EDAR: variants seen among roughly 807,000 people sequenced by gnomAD.
EDAR encodes the protein ectodysplasin A receptor.
Under a neutral mutation model 51.3 loss-of-function variants are expected in EDAR, and 38 were observed. The ratio of observed to expected loss-of-function variants is 0.74; its 90% CI spans 0.57 to 0.97. The LOEUF is 0.97. EDAR is among the 50% of genes least tolerant of loss of function. The pLI is 0.00. For missense variants in EDAR, 528 were observed against 595.0 expected, an observed-to-expected ratio of 0.89 and a Z score of 1.17; for synonymous variants, 227 against 242.1, an observed-to-expected ratio of 0.94 and a Z score of 0.58.
intron 5 of EDAR, among the ~76,000 whole-genome samples, chr2:108,913,617 T>C (rs1169400088): frequency 6.6e-6 from 1 of 152,078 alleles, no homozygotes; most frequent in African/African-American, 2.4e-5. Context: ...TCTTGATTTA[T>C]ACATATAAAT....
intron 1 of EDAR, among the ~76,000 whole-genome samples, chr2:108,962,829 G>A (rs1281402074): frequency 1.3e-5 from 2 of 152,098 alleles, no homozygotes; most frequent in South Asian, 4.2e-4. Flanking sequence ...TGAGCAGAGT[G>A]ATGCTGAATT....
intron 1 of EDAR, among the ~76,000 whole-genome samples, chr2:108,951,391 G>A (rs938742926): frequency 1.3e-5 from 2 of 152,188 alleles, no homozygotes; most frequent in African/African-American, 4.8e-5. Context: ...TGTGTCCAAG[G>A]TCATACAGGA....
In EDAR at chr2:108,896,727, T is replaced by G. The variant is rs1696600672; in HGVS notation, c.*180A>C. ...CTGAAAGTATCCCGGCTCTAGTCCT[T>G]TATCTTTGGTTAAATTGGAAGACAG... On this transcript the variant is annotated 3_prime_UTR_variant, in exon 12 of 12. Transcript: ENST00000258443. The G allele has an allele frequency of 1.1e-5, 7 of 634,582 alleles. No individual in the cohort carries two copies. Among genetic ancestry groups the G allele is most frequent in the Admixed American group, 5.8e-5 (2 of 34,596 alleles). 39.3% of individuals were successfully genotyped at this position (634,582 alleles called of 1,614,324 possible). A position where few individuals can be genotyped will look rare whatever the true frequency, so the allele number is the denominator to read the frequency against.
At chr2:108,946,923 A>C (rs1296319788) in intron 1 of EDAR, among the ~76,000 whole-genome samples, 9 of 151,848 alleles carry the variant, frequency 5.9e-5, no homozygotes, top group Non-Finnish European at 1.2e-4. Flanking sequence ...AAAACCAATC[A>C]TGCCTTCCCA....
Position 108,929,218 on chromosome 2 carries a change from C to A in EDAR, c.336G>T (p.Glu112Asp). Residue 112 changes from glutamate (E) to aspartate (D), a missense_variant, in exon 4 of 12, where the codon GAG (glutamate) becomes GAT (aspartate). Coordinates refer to ENST00000258443, the MANE Select transcript of EDAR (RefSeq NM_022336.4). ...LTPGDMENDA[E>D]CGPCLPGYYM... The stretch of plus-strand genomic sequence containing the variant: ...CTTACCCAGGGAGGCAAGGGCCACA[C>A]TCAGCGTCATTCTCCATGTCCCCTG... 2 of 1,614,124 alleles carry A rather than the reference C, an allele frequency of 1.2e-6. No individual in the cohort carries two copies. Among genetic ancestry groups the A allele is most frequent in the Non-Finnish European group, 1.7e-6 (2 of 1,180,050 alleles).
At chr2:108,922,343 C>T (rs952926412) in intron 5 of EDAR, among the ~76,000 whole-genome samples, 4 of 152,236 alleles carry the variant, frequency 2.6e-5, no homozygotes, top group Admixed American at 1.3e-4. Context: ...GGCTGGCAGC[C>T]GAGCTGCGGC....
chr2:108,924,577 G>GC (rs562320577), intron 4 of EDAR, among the ~76,000 whole-genome samples: 136 of 152,300 alleles, frequency 8.9e-4, no homozygotes, highest in Middle Eastern at 3.4e-3. Flanking sequence ...CCCCATGGAG[G>GC]CCCCTGCTGA....
intron 5 of EDAR, among the ~76,000 whole-genome samples, chr2:108,919,420 G>A (rs753838710): frequency 2.0e-5 from 3 of 152,112 alleles, no homozygotes; most frequent in Admixed American, 6.6e-5. Flanking sequence ...GTGCAATGGC[G>A]CAATCTCAGT....
chr2:108,967,085 C>A (rs1192710896), intron 1 of EDAR, among the ~76,000 whole-genome samples: 1 of 152,192 alleles, frequency 6.6e-6, no homozygotes, highest in Admixed American at 6.5e-5. Context: ...CAGGCACCCG[C>A]TACCATGCCA....
chr2:108,985,298 GGTT>G (rs894495660), intron 1 of EDAR, among the ~76,000 whole-genome samples: 8 of 152,196 alleles, frequency 5.3e-5, no homozygotes, highest in Non-Finnish European at 1.2e-4. Flanking sequence ...ACGTGACTGT[GGTT>G]GTTATTGCCC....
chr2:108,923,327 C>A (rs370198195), intron 5 of EDAR, 41 bp downstream of exon 5: 8 of 1,590,354 alleles, frequency 5.0e-6, no homozygotes, highest in South Asian at 2.2e-5. Flanking sequence ...GGGATCCGTG[C>A]TGAACAAATA....
In EDAR at chr2:108,935,424, T is replaced by G. The variant is rs930274334; in HGVS notation, c.-18-4392A>C. ...CAGACCTGCTGTCTGGGATCTGCTT[T>G]TCAACCAGATCTGCAGGTGGTCTGT... is the stretch of plus-strand genomic sequence containing the variant. On this transcript the variant is annotated intron_variant, in intron 1 of 11. Coordinates refer to ENST00000258443, the MANE Select transcript of EDAR (RefSeq NM_022336.4). Among the ~76,000 whole-genome samples, 8 of 152,356 alleles carry G rather than the reference T, an allele frequency of 5.3e-5. No individual in the cohort carries two copies. In the East Asian group the frequency reaches 1.5e-3, roughly 29 times the overall value.
At chr2:108,913,666 G>C (rs541693651) in intron 5 of EDAR, among the ~76,000 whole-genome samples, 1 of 152,120 alleles carries the variant, frequency 6.6e-6, no homozygotes, top group African/African-American at 2.4e-5. Context: ...AAGTGTATGC[G>C]ATAGCTATCT....
chr2:108,983,030 A>G (rs1406433448), intron 1 of EDAR, among the ~76,000 whole-genome samples: 1 of 152,216 alleles, frequency 6.6e-6, no homozygotes, highest in African/African-American at 2.4e-5. Context: ...CCATAAAGAA[A>G]TCCATCAACA....
At chr2:108,975,410 A>G (rs554204558) in intron 1 of EDAR, among the ~76,000 whole-genome samples, 127 of 152,296 alleles carry the variant, frequency 8.3e-4, no homozygotes, top group African/African-American at 2.9e-3. Context: ...AGAGGGCTGG[A>G]GCATGGGCCG....
intron 5 of EDAR, among the ~76,000 whole-genome samples, chr2:108,920,037 AT>A (rs1697106178): frequency 6.6e-6 from 1 of 152,146 alleles, no homozygotes; most frequent in South Asian, 2.1e-4. Flanking sequence ...AAGTGGCACC[AT>A]GTCCACATGG....
At chr2:108,984,010 C>T (rs1454714855) in intron 1 of EDAR, among the ~76,000 whole-genome samples, 1 of 152,196 alleles carries the variant, frequency 6.6e-6, no homozygotes, top group African/African-American at 2.4e-5. Context: ...ATGTCTGTTG[C>T]TAAGTGTTCT....
In EDAR at chr2:108,923,415, C is replaced by A. The variant is rs763575900; in HGVS notation, c.395G>T (p.Gly132Val). The A allele has an allele frequency of 1.2e-6, 2 of 1,614,058 alleles. No individual in the cohort carries two copies. Among genetic ancestry groups the A allele is most frequent in the South Asian group, 1.1e-5 (1 of 91,086 alleles). The part of the protein sequence containing the change: ...MLENRPRNIY[G>V]MVCYSCLLAP... ...CAGGAGGCAGGAGTAGCAGACCATGCCATAGATGTTCCTCGGTCTGTTCTC... is the reference window on the plus strand; with the variant it reads ...CAGGAGGCAGGAGTAGCAGACCATGACATAGATGTTCCTCGGTCTGTTCTC... Residue 132 changes from glycine to valine, a missense_variant, in exon 5 of 12, where the codon GGC becomes GTC. Gly to Val is a moderately radical substitution (Grantham distance 109). Transcript: ENST00000258443.
chr2:108,925,113 C>T (rs1697228163), intron 4 of EDAR, among the ~76,000 whole-genome samples: 1 of 151,010 alleles, frequency 6.6e-6, no homozygotes, highest in Non-Finnish European at 1.5e-5. Context: ...GGGAGGCCCT[C>T]CAGGGCAAGC....
Sources: gnomAD v4.1 joint callset for allele counts (sites outside exome capture counted in the v4.1 genomes callset) on GRCh38, gnomAD v4.1.1 for gene constraint, MANE v1.5 for transcripts, NCBI Gene and HGNC (gene_info 2026-07-23, HGNC 2026-07-21) for gene names.